Variants in DAB2IP observed in about 807,000 individuals in gnomAD.
DAB2IP encodes disabled homolog 2-interacting protein.
Under a neutral mutation model 107.2 loss-of-function variants are expected in DAB2IP, and 28 were observed. The ratio of observed to expected loss-of-function variants is 0.26; its 90% CI spans 0.19 to 0.36. The LOEUF (loss-of-function observed/expected upper bound fraction) is 0.36, where lower values mean the gene tolerates loss of function less well. Among genes scored for constraint, DAB2IP ranks in the 10% least tolerant of loss-of-function variants. The pLI, the probability that DAB2IP is intolerant of heterozygous loss-of-function variation, is 1.00. For missense variants in DAB2IP, 1,400 were observed against 1,644.7 expected (o/e 0.85, Z 2.57); for synonymous variants, 755 against 706.4 (o/e 1.07, Z -1.09).
chr9:121,595,743 C>T (rs895975353), intron 1 of DAB2IP, among the ~76,000 whole-genome samples: 4 of 152,162 alleles, frequency 2.6e-5, no homozygotes, highest in African/African-American at 7.2e-5. Context: ...TTTATCATTC[C>T]TCTGAATGTC....
chr9:121,611,179 G>T (rs936139984), intron 1 of DAB2IP, among the ~76,000 whole-genome samples: 1 of 152,168 alleles, frequency 6.6e-6, no homozygotes, highest in African/African-American at 2.4e-5. Flanking sequence ...TTGCCATGTT[G>T]GCCAGGCTGG....
At chr9:121,570,417 C>T (rs1433505037) in intron 1 of DAB2IP, among the ~76,000 whole-genome samples, 1 of 151,974 alleles carries the variant, frequency 6.6e-6, no homozygotes, top group Non-Finnish European at 1.5e-5. Context: ...GGACACTAAT[C>T]CTACTAGGGC....
intron 3 of DAB2IP, among the ~76,000 whole-genome samples, chr9:121,703,177 G>C (rs1268689296): frequency 6.6e-6 from 1 of 152,224 alleles, no homozygotes; most frequent in Non-Finnish European, 1.5e-5. Context: ...CCCTCACCTG[G>C]ACCTGGGTAG....
At chr9:121,773,314 C>A (rs1409476491) in exon 12 of DAB2IP, 1 of 1,507,490 alleles carries the variant, frequency 6.6e-7, no homozygotes, top group Non-Finnish European at 8.9e-7. Context: ...CCGCCACCTC[C>A]TGCCCCCCGC....
chr9:121,580,285 G>A (rs963793810), intron 1 of DAB2IP, among the ~76,000 whole-genome samples: 1 of 152,182 alleles, frequency 6.6e-6, no homozygotes, highest in African/African-American at 2.4e-5. Flanking sequence ...TCTGCTTTAG[G>A]GAAGAGCTTA....
At chr9:121,781,671 A>G (rs930913645) in intron 15 of DAB2IP, 120 bp downstream of exon 15, 3 of 1,007,494 alleles carry the variant, frequency 3.0e-6, no homozygotes, top group Admixed American at 4.2e-5. Flanking sequence ...ATAAGAAACC[A>G]GAATCTGCCC....
chr9:121,776,258 A>T lies in DAB2IP; in HGVS notation c.3181A>T (p.Thr1061Ser). Reference sequence around the variant, plus strand: ...CACCAAGAAGCTGGAGGAGTATGAGACCCTGTTCAAGTGCCAGGAGGAGAC... The same window carrying T: ...CACCAAGAAGCTGGAGGAGTATGAGTCCCTGTTCAAGTGCCAGGAGGAGAC... Residue 1061 changes from threonine to serine, a missense_variant, in exon 14 of 16, where the codon ACC becomes TCC. This residue lies in a region of DAB2IP where 600 missense variants were observed against 659.1 expected (regional missense o/e 0.91). Coordinates refer to ENST00000408936, the Ensembl canonical transcript of DAB2IP. The surrounding 1 kb of genome is among the most constrained non-coding windows in gnomAD (Gnocchi z 5.4). The T allele has an allele frequency of 6.3e-7, 1 of 1,585,804 alleles. No homozygotes were observed. Among genetic ancestry groups the T allele is most frequent in the Non-Finnish European group, 8.6e-7 (1 of 1,166,410 alleles).
chr9:121,589,442 G>A (rs754046730), intron 1 of DAB2IP, among the ~76,000 whole-genome samples: 7 of 151,922 alleles, frequency 4.6e-5, no homozygotes, highest in African/African-American at 1.7e-4. Context: ...TTTCTGTCTC[G>A]CTTCCTTAAA....
At position 121,706,199 on chromosome 9, in the gene DAB2IP, CTGGGGA is replaced by C. The variant is rs1360641379; in HGVS notation, c.362+6747_362+6752del. On this transcript the variant is annotated intron_variant, in intron 3 of 15. Transcript: ENST00000408936. ...GAGGTGTGTCCAGGGCAGCATCTGC[CTGGGGA>C]TGGGGTGAGAATGTGTGGATAGCAA... 3.3e-5 allele frequency among the ~76,000 whole-genome samples: 5 copies of C among 152,206 alleles called. 1 individual carries two copies. Among genetic ancestry groups the C allele is most frequent in the Non-Finnish European group, 7.4e-5 (5 of 68,026 alleles).
At chr9:121,620,626 G>A (rs1255740994) in intron 1 of DAB2IP, among the ~76,000 whole-genome samples, 1 of 152,186 alleles carries the variant, frequency 6.6e-6, no homozygotes, top group Non-Finnish European at 1.5e-5. Context: ...GTTATTGCTT[G>A]GGGCCTTGGC....
chr9:121,677,590 ATCTG>A (rs1035308644), intron 1 of DAB2IP, among the ~76,000 whole-genome samples: 5 of 152,188 alleles, frequency 3.3e-5, no homozygotes, highest in African/African-American at 9.7e-5. Flanking sequence ...TGGCTCAGTT[ATCTG>A]TCTGCTTATA....
intron 1 of DAB2IP, among the ~76,000 whole-genome samples, chr9:121,577,253 C>T (rs1437800860): frequency 2.0e-5 from 3 of 152,132 alleles, no homozygotes; most frequent in African/African-American, 7.2e-5. Context: ...GCCTGAGGAG[C>T]TTTGGGTCAG....
intron 3 of DAB2IP, chr9:121,742,655 G>A (rs1282199040): frequency 2.7e-5 from 23 of 858,414 alleles, no homozygotes; most frequent in Admixed American, 1.9e-4. Context: ...GAAGGGCCTC[G>A]GCCAGCTTGC....
chr9:121,596,761 A>G (rs1339273378), intron 1 of DAB2IP, among the ~76,000 whole-genome samples: 2 of 152,124 alleles, frequency 1.3e-5, no homozygotes, highest in Non-Finnish European at 2.9e-5. Context: ...CTCTATGTCA[A>G]GACTCTGGGT....
At chr9:121,657,617 C>T (rs1409071125) in intron 1 of DAB2IP, among the ~76,000 whole-genome samples, 1 of 152,124 alleles carries the variant, frequency 6.6e-6, no homozygotes, top group Non-Finnish European at 1.5e-5. Context: ...TGGTTTGAAC[C>T]CAGTCCACTG....
chr9:121,773,863 A>G (rs1213771310), intron 12 of DAB2IP, among the ~76,000 whole-genome samples: 1 of 152,146 alleles, frequency 6.6e-6, no homozygotes, highest in Non-Finnish European at 1.5e-5. Context: ...ACAGGCCTTC[A>G]GGCACAACCA....
In DAB2IP at chr9:121,662,318, G is replaced by A. The variant is rs559889460; in HGVS notation, c.124+10419G>A. 7.9e-5 allele frequency among the ~76,000 whole-genome samples: 12 copies of A among 152,196 alleles called. No individual in the cohort carries two copies. The highest frequency in any genetic ancestry group is 1.0e-4 in the Non-Finnish European group (7 of 68,036). On this transcript the variant is annotated intron_variant, in intron 1 of 15. Coordinates refer to ENST00000408936, the Ensembl canonical transcript of DAB2IP. The surrounding 1 kb of genome is among the most constrained non-coding windows in gnomAD (Gnocchi z 4.6). ...TTCAGGTCCAGAAGGAGTCAGGACA[G>A]TGTGGTCTACTGGCCAAACCCAGCC...
At chr9:121,688,563 A>G (rs1440894455) in intron 2 of DAB2IP, among the ~76,000 whole-genome samples, 7 of 152,114 alleles carry the variant, frequency 4.6e-5, no homozygotes, top group Admixed American at 1.3e-4. Flanking sequence ...TCCAGAGCTC[A>G]CTAGTGCCAT....
chr9:121,678,769 G>T, exon 2 of DAB2IP: 4 of 1,592,626 alleles, frequency 2.5e-6, no homozygotes, highest in Non-Finnish European at 2.6e-6. Flanking sequence ...CCGCCACGCC[G>T]TTCCGGGTCA....
Sources: gnomAD v4.1 joint callset for allele counts (sites outside exome capture counted in the v4.1 genomes callset) on GRCh38, gnomAD v4.1.1 for gene constraint, gnomAD v4.1.1 regional missense constraint, Gnocchi (gnomAD v3.1) non-coding constraint, MANE v1.5 for transcripts, NCBI Gene and HGNC (gene_info 2026-07-23, HGNC 2026-07-21) for gene names.